The following SLC44A5 variants were observed in gnomAD, a reference collection of about 807,000 sequenced individuals.
SLC44A5 encodes choline transporter-like protein 5.
In SLC44A5, 57 loss-of-function variants were observed where a neutral mutation model predicts 101.8. The observed-to-expected ratio is 0.56, with a 90% CI of 0.45 to 0.70. The LOEUF is 0.70. Among genes scored for constraint, SLC44A5 ranks in the 30% least tolerant of loss-of-function variants. The probability of loss-of-function intolerance (pLI) is 0.00; values close to 1 mark genes in which losing one functional copy is unlikely to be tolerated. For synonymous variants in SLC44A5, 281 were observed against 290.9 expected, an observed-to-expected ratio of 0.97 and a Z score of 0.35; for missense variants, 737 against 853.1, an observed-to-expected ratio of 0.86 and a Z score of 1.70.
intron 2 of SLC44A5, among the ~76,000 whole-genome samples, chr1:75,404,350 C>A (rs1662707562): frequency 6.6e-6 from 1 of 152,102 alleles, no homozygotes. Flanking sequence ...ACAGAGAACA[C>A]CACAAAGATA....
At chr1:75,676,677 C>T in the SLC44A5 span, among the ~76,000 whole-genome samples, 1 of 152,166 alleles carries the variant, frequency 6.6e-6, no homozygotes, top group Non-Finnish European at 1.5e-5. Context: ...GCACATCCTG[C>T]ACATATACCC....
intron 3 of SLC44A5, among the ~76,000 whole-genome samples, chr1:75,368,388 T>C (rs1224222797): frequency 6.6e-6 from 1 of 152,172 alleles, no homozygotes; most frequent in Non-Finnish European, 1.5e-5. Flanking sequence ...GCCCTCTATA[T>C]CTGTGGGTTC....
intron 2 of SLC44A5, among the ~76,000 whole-genome samples, chr1:75,442,921 T>C (rs1194170094): frequency 1.3e-5 from 2 of 152,174 alleles, no homozygotes; most frequent in Non-Finnish European, 2.9e-5. Flanking sequence ...CTCCATAAGT[T>C]GGATATTTAA....
chr1:75,662,908 T>C, the SLC44A5 span, among the ~76,000 whole-genome samples: 10 of 152,106 alleles, frequency 6.6e-5, no homozygotes, highest in African/African-American at 2.4e-4. Flanking sequence ...AAACAAACTC[T>C]CCAGCTGCTC....
At chr1:75,645,607 G>T in the SLC44A5 span, among the ~76,000 whole-genome samples, 6 of 151,618 alleles carry the variant, frequency 4.0e-5, no homozygotes, top group Admixed American at 3.3e-4. Context: ...AGTTTCTTTT[G>T]CTGTGCAGAA....
At chr1:75,616,296 G>T in the SLC44A5 span, among the ~76,000 whole-genome samples, 1 of 147,602 alleles carries the variant, frequency 6.8e-6, no homozygotes, top group Admixed American at 6.7e-5. Flanking sequence ...CCATCCAACC[G>T]GCTACCGCGC....
At chr1:75,528,294 T>C (rs1670530259) in intron 2 of SLC44A5, among the ~76,000 whole-genome samples, 1 of 152,014 alleles carries the variant, frequency 6.6e-6, no homozygotes, top group African/African-American at 2.4e-5. Context: ...GATACATGTG[T>C]CAAGAACAGA....
chr1:75,628,263 A>T, the SLC44A5 span, among the ~76,000 whole-genome samples: 1 of 152,148 alleles, frequency 6.6e-6, no homozygotes, highest in African/African-American at 2.4e-5. Flanking sequence ...CTGCTTTCAT[A>T]GTTCCCTCTC....
chr1:75,675,531 T>C, the SLC44A5 span, among the ~76,000 whole-genome samples: 1 of 152,256 alleles, frequency 6.6e-6, no homozygotes, highest in African/African-American at 2.4e-5. Flanking sequence ...ATCACTCCCT[T>C]ACACCTTATA....
chr1:75,225,302 T>C (rs1328885923), intron 13 of SLC44A5, among the ~76,000 whole-genome samples: 2 of 152,070 alleles, frequency 1.3e-5, no homozygotes, highest in Non-Finnish European at 2.9e-5. Context: ...AGCCTAAGAG[T>C]GTAGTAGGCT....
At chr1:75,231,003 C>G (rs928892918) in intron 12 of SLC44A5, among the ~76,000 whole-genome samples, 3 of 152,234 alleles carry the variant, frequency 2.0e-5, no homozygotes, top group Non-Finnish European at 4.4e-5. Flanking sequence ...TCACACAGAA[C>G]TGTTTTCTTG....
At chr1:75,562,400 GATAAT>G (rs1379814672) in intron 1 of SLC44A5, among the ~76,000 whole-genome samples, 1 of 152,044 alleles carries the variant, frequency 6.6e-6, no homozygotes, top group Non-Finnish European at 1.5e-5. Flanking sequence ...AAATTGCTAA[GATAAT>G]ATAATTTTTA....
intron 2 of SLC44A5, among the ~76,000 whole-genome samples, chr1:75,439,811 A>G (rs1665094568): frequency 6.6e-6 from 1 of 152,156 alleles, no homozygotes; most frequent in South Asian, 2.1e-4. Flanking sequence ...AATTGATAAA[A>G]GACATGAATC....
intron 1 of SLC44A5, among the ~76,000 whole-genome samples, chr1:75,606,659 T>C (rs1190579308): frequency 1.3e-5 from 2 of 152,028 alleles, no homozygotes; most frequent in Non-Finnish European, 2.9e-5. Flanking sequence ...CAAAGCATCA[T>C]TGCCACCACT....
chr1:75,221,790 A>C (rs1230104744), intron 14 of SLC44A5, among the ~76,000 whole-genome samples: 1 of 152,120 alleles, frequency 6.6e-6, no homozygotes, highest in Non-Finnish European at 1.5e-5. Context: ...GTGTTCAAAA[A>C]CTGCTAATAC....
intron 3 of SLC44A5, among the ~76,000 whole-genome samples, chr1:75,372,854 T>G (rs888876165): frequency 7.9e-5 from 12 of 152,164 alleles, no homozygotes; most frequent in African/African-American, 2.9e-4. Context: ...TAAAACATAA[T>G]CACTAAATCA....
chr1:75,484,975 C>G (rs1668076092), intron 2 of SLC44A5, among the ~76,000 whole-genome samples: 1 of 152,224 alleles, frequency 6.6e-6, no homozygotes, highest in Non-Finnish European at 1.5e-5. Context: ...AGGCCATGGG[C>G]CTGGCCCACA....
At chr1:75,482,020 C>T (rs1330345178) in intron 2 of SLC44A5, among the ~76,000 whole-genome samples, 2 of 151,974 alleles carry the variant, frequency 1.3e-5, no homozygotes, top group Non-Finnish European at 2.9e-5. Context: ...GGAACCAACC[C>T]AAATGTCCAA....
At chr1:75,630,050 TCCC>T in the SLC44A5 span, among the ~76,000 whole-genome samples, 1 of 152,118 alleles carries the variant, frequency 6.6e-6, no homozygotes, top group African/African-American at 2.4e-5. Flanking sequence ...TCTAGCTCCA[TCCC>T]CCCAATTTGC....
Sources: allele counts gnomAD v4.1 joint callset (sites outside exome capture counted in the v4.1 genomes callset), GRCh38; gene constraint gnomAD v4.1.1; transcripts MANE v1.5; gene names NCBI Gene and HGNC (gene_info 2026-07-23, HGNC 2026-07-21).